Variants in CYRIB observed in about 807,000 individuals in gnomAD.
CYRIB encodes CYFIP related Rac1 interactor B.
CYRIB carries 8 observed loss-of-function variants against 44.2 expected under a neutral mutation model. That is an observed-to-expected ratio of 0.18 (90% confidence interval 0.11 to 0.33). The LOEUF (loss-of-function observed/expected upper bound fraction) is 0.33. CYRIB is among the 10% of genes least tolerant of loss of function. The probability of loss-of-function intolerance (pLI) is 1.00; values close to 1 mark genes in which losing one functional copy is unlikely to be tolerated. For missense variants in CYRIB, 185 were observed against 382.8 expected, an observed-to-expected ratio of 0.48 and a Z score of 4.31; for synonymous variants, 131 against 127.2, an observed-to-expected ratio of 1.03 and a Z score of -0.20.
chr8:129,924,404 G>T (rs903691541), intron 1 of CYRIB, among the ~76,000 whole-genome samples: 1 of 145,838 alleles, frequency 6.9e-6, no homozygotes, highest in Non-Finnish European at 1.5e-5. Context: ...CTATCCCAAA[G>T]TTGATGCCAC....
At chr8:129,924,437 C>T (rs548648832) in intron 1 of CYRIB, among the ~76,000 whole-genome samples, 1 of 151,888 alleles carries the variant, frequency 6.6e-6, no homozygotes, top group Admixed American at 6.6e-5. Context: ...AAAATGCCTC[C>T]ATGAGCACAT....
chr8:129,983,987 T>C (rs2096356761), intron 1 of CYRIB, among the ~76,000 whole-genome samples: 1 of 152,162 alleles, frequency 6.6e-6, no homozygotes, highest in Non-Finnish European at 1.5e-5. Context: ...TTTTTAAAAA[T>C]ATTGTTCCCC....
intron 7 of CYRIB, among the ~76,000 whole-genome samples, chr8:129,852,691 T>G (rs183373025): frequency 6.6e-6 from 1 of 151,978 alleles, no homozygotes; most frequent in South Asian, 2.1e-4. Flanking sequence ...AGGAGAAGAG[T>G]TATCCTTTTG....
chr8:129,926,591 C>G (rs1420278898), intron 1 of CYRIB, among the ~76,000 whole-genome samples: 2 of 130,048 alleles, frequency 1.5e-5, no homozygotes, highest in Non-Finnish European at 3.4e-5. Context: ...AGAGGAGTTC[C>G]TAATAATGGG....
intron 1 of CYRIB, among the ~76,000 whole-genome samples, chr8:130,006,607 C>CACACAT: frequency 1.4e-4 from 1 of 7,118 alleles, no homozygotes; most frequent in African/African-American, 4.1e-4. Context: ...TATATATATA[C>CACACAT]ATATATATGT....
chr8:129,987,499 G>A (rs2096496943), intron 1 of CYRIB, among the ~76,000 whole-genome samples: 1 of 150,706 alleles, frequency 6.6e-6, no homozygotes. Flanking sequence ...CTCATTGTGG[G>A]CCCCGGACTA....
At chr8:129,844,647 CAGGA>C (rs1393197543) in intron 11 of CYRIB, 4 of 152,154 alleles carry the variant, frequency 2.6e-5, no homozygotes, top group African/African-American at 9.7e-5. Context: ...CTTAGTAGCA[CAGGA>C]AGTTCTATAT....
At chr8:129,935,649 A>G (rs903029517) in intron 1 of CYRIB, among the ~76,000 whole-genome samples, 3 of 152,200 alleles carry the variant, frequency 2.0e-5, no homozygotes, top group South Asian at 2.1e-4. Flanking sequence ...AATTTAATAT[A>G]TATCATACAT....
chr8:129,998,172 T>A (rs973104242), intron 1 of CYRIB, among the ~76,000 whole-genome samples: 1 of 148,874 alleles, frequency 6.7e-6, no homozygotes, highest in Non-Finnish European at 1.5e-5. Context: ...AGGCTGCCCC[T>A]TCCAGAGCAC....
At chr8:129,958,071 C>T (rs1325688770) in intron 2 of CYRIB, among the ~76,000 whole-genome samples, 2 of 151,906 alleles carry the variant, frequency 1.3e-5, no homozygotes, top group Admixed American at 6.6e-5. Flanking sequence ...GAATGAGAAT[C>T]GCTTGAACCC....
intron 4 of CYRIB, chr8:129,868,440 A>C (rs940545001): frequency 2.0e-5 from 3 of 152,188 alleles, no homozygotes; most frequent in African/African-American, 7.2e-5. Flanking sequence ...ATTACTTACC[A>C]TTGCTTTTTA....
At chr8:130,007,733 G>A (rs1360961275) in intron 1 of CYRIB, among the ~76,000 whole-genome samples, 1 of 152,114 alleles carries the variant, frequency 6.6e-6, no homozygotes, top group African/African-American at 2.4e-5. Context: ...GCGCTGAGCC[G>A]AGATTGCACC....
intron 1 of CYRIB, among the ~76,000 whole-genome samples, chr8:129,984,915 C>T (rs2096394179): frequency 6.6e-6 from 1 of 152,216 alleles, no homozygotes; most frequent in Non-Finnish European, 1.5e-5. Context: ...GCTGGGATTA[C>T]AGGCATGTAC....
intron 1 of CYRIB, among the ~76,000 whole-genome samples, chr8:129,987,556 CTTTT>C (rs35721101): frequency 0.29 from 40,442 of 140,686 alleles, 6,021 homozygotes; most frequent in East Asian, 0.39. Context: ...TTTTTCTTGT[CTTTT>C]TTTTTTTCTT....
chr8:129,957,984 C>T (rs1475372489), intron 2 of CYRIB, among the ~76,000 whole-genome samples: 1 of 141,780 alleles, frequency 7.1e-6, no homozygotes, highest in African/African-American at 2.6e-5. Context: ...AAAAAAAATA[C>T]AAAAAATACA....
At chr8:129,954,995 T>C (rs1004288328) in intron 2 of CYRIB, among the ~76,000 whole-genome samples, 2 of 152,206 alleles carry the variant, frequency 1.3e-5, no homozygotes, top group African/African-American at 4.8e-5. Context: ...GGCTGACACC[T>C]GTAATCCCAG....
intron 4 of CYRIB, chr8:129,864,638 A>T: frequency 4.7e-6 from 1 of 211,272 alleles, no homozygotes; most frequent in South Asian, 6.0e-5. Flanking sequence ...AGGTTATGTC[A>T]TATATAGGAT....
chr8:129,909,331 C>T (rs977597503), intron 1 of CYRIB, among the ~76,000 whole-genome samples: 1 of 152,072 alleles, frequency 6.6e-6, no homozygotes, highest in Non-Finnish European at 1.5e-5. Flanking sequence ...ACACAAAATA[C>T]ATAAAGAAAG....
rs529416951 is a variant in CYRIB, at chr8:129,922,276, C to T, written c.-50+17332G>A. On this transcript the variant is annotated intron_variant, in intron 1 of 11. Coordinates refer to ENST00000519824, the Ensembl canonical transcript of CYRIB. ...TTTCTGCTATTTGCAACCAAGGACC[C>T]GTTAATGAATTATGAAGAATATTCC... Among the ~76,000 whole-genome samples, 10 of 152,210 alleles carry T rather than the reference C, an allele frequency of 6.6e-5. No individual in the cohort carries two copies. The East Asian group carries it at 1.4e-3, about 21-fold the overall frequency.
Sources: allele counts gnomAD v4.1 joint callset (sites outside exome capture counted in the v4.1 genomes callset), GRCh38; gene constraint gnomAD v4.1.1; transcripts MANE v1.5; gene names NCBI Gene and HGNC (gene_info 2026-07-23, HGNC 2026-07-21).